Variants in FCHSD2 observed in about 807,000 individuals in gnomAD.
The protein encoded by FCHSD2 is F-BAR and double SH3 domains protein 2.
FCHSD2 carries 38 observed loss-of-function variants against 108.1 expected under a neutral mutation model. The ratio of observed to expected loss-of-function variants is 0.35; its 90% CI spans 0.27 to 0.46. The LOEUF (loss-of-function observed/expected upper bound fraction) is 0.46. Ranked by LOEUF, FCHSD2 falls within the 20% of genes least tolerant of loss-of-function variation. The probability of loss-of-function intolerance (pLI) is 1.00; values close to 1 mark genes in which losing one functional copy is unlikely to be tolerated. For missense variants in FCHSD2, 751 were observed against 897.8 expected, an observed-to-expected ratio of 0.84 and a Z score of 2.09; for synonymous variants, 279 against 314.7, an observed-to-expected ratio of 0.89 and a Z score of 1.20.
intron 3 of FCHSD2, among the ~76,000 whole-genome samples, chr11:73,078,266 C>T (rs1859602399): frequency 6.6e-6 from 1 of 152,146 alleles, no homozygotes; most frequent in South Asian, 2.1e-4. Flanking sequence ...GGTACAGTCA[C>T]TTTGGAAAAC....
intron 8 of FCHSD2, among the ~76,000 whole-genome samples, chr11:72,961,739 A>T (rs1856822482): frequency 6.6e-6 from 1 of 152,238 alleles, no homozygotes; most frequent in South Asian, 2.1e-4. Context: ...TTTTGTTTAT[A>T]GTTAATCACA....
intron 8 of FCHSD2, chr11:72,940,832 C>A (rs996728660): frequency 1.1e-6 from 1 of 901,076 alleles, no homozygotes; most frequent in Non-Finnish European, 1.8e-6. Context: ...CACTGTGGGG[C>A]TCTTAGAGTC....
At chr11:72,923,526 T>C (rs920711922) in intron 8 of FCHSD2, among the ~76,000 whole-genome samples, 2 of 152,198 alleles carry the variant, frequency 1.3e-5, no homozygotes, top group African/African-American at 2.4e-5. Context: ...GAACGGTATA[T>C]CTTTGTAGTT....
intron 8 of FCHSD2, among the ~76,000 whole-genome samples, chr11:72,952,210 A>G (rs1202381535): frequency 1.3e-5 from 2 of 152,120 alleles, no homozygotes; most frequent in East Asian, 1.9e-4. Flanking sequence ...TCTTAATACC[A>G]GAAAGATATA....
At chr11:73,080,097 G>C (rs1362426203) in intron 3 of FCHSD2, among the ~76,000 whole-genome samples, 3 of 151,678 alleles carry the variant, frequency 2.0e-5, no homozygotes, top group African/African-American at 4.8e-5. Flanking sequence ...CCAGGAGTTC[G>C]AGACCAGCCT....
chr11:72,897,508 T>C (rs1855447516), intron 10 of FCHSD2, among the ~76,000 whole-genome samples: 3 of 152,166 alleles, frequency 2.0e-5, no homozygotes, highest in African/African-American at 4.8e-5. Context: ...AAATATTACA[T>C]CATTTTATAT....
At chr11:72,927,489 G>C (rs962650824) in intron 8 of FCHSD2, among the ~76,000 whole-genome samples, 2 of 152,178 alleles carry the variant, frequency 1.3e-5, no homozygotes, top group Non-Finnish European at 2.9e-5. Flanking sequence ...TAGGGGAAGG[G>C]AGTGTAAGGG....
In FCHSD2 at chr11:72,955,764, T is replaced by C. The variant is rs1040275995; in HGVS notation, c.705+28324A>G. Among the ~76,000 whole-genome samples the C allele has an allele frequency of 2.6e-5, 4 of 152,058 alleles. No homozygotes were observed. In the South Asian group the frequency reaches 8.3e-4, roughly 32 times the overall value. ...ACAGGAACTGGGGTCAGAGACCAAA[T>C]ATAGGAACAAAAGATTCTCTTAGTG... On this transcript the variant is annotated intron_variant, in intron 8 of 19. Transcript: ENST00000409418.
intron 2 of FCHSD2, among the ~76,000 whole-genome samples, chr11:73,114,417 G>A (rs991152896): frequency 1.3e-5 from 2 of 151,842 alleles, no homozygotes; most frequent in Non-Finnish European, 2.9e-5. Flanking sequence ...CCTGCTTGGT[G>A]CTCTACCCAA....
chr11:72,947,734 A>T (rs1358253276), intron 8 of FCHSD2, among the ~76,000 whole-genome samples: 1 of 19,824 alleles, frequency 5.0e-5, no homozygotes, highest in Admixed American at 5.4e-4. Flanking sequence ...AGTTAAAAAA[A>T]ATATTGAAAA....
At chr11:72,983,306 A>T (rs966840718) in intron 8 of FCHSD2, among the ~76,000 whole-genome samples, 3 of 151,484 alleles carry the variant, frequency 2.0e-5, no homozygotes, top group Admixed American at 6.6e-5. Context: ...AAAAAAAAAA[A>T]AATAAATAAA....
chr11:72,896,390 C>T (rs1265573275), intron 10 of FCHSD2, among the ~76,000 whole-genome samples: 1 of 152,210 alleles, frequency 6.6e-6, no homozygotes, highest in Non-Finnish European at 1.5e-5. Flanking sequence ...TATTTCCCAT[C>T]CCAGCTTCGC....
intron 7 of FCHSD2, among the ~76,000 whole-genome samples, chr11:72,984,575 T>C (rs1857276932): frequency 6.6e-6 from 1 of 152,188 alleles, no homozygotes; most frequent in South Asian, 2.1e-4. Flanking sequence ...AACAGTTTTT[T>C]AAAAATCAGC....
intron 2 of FCHSD2, among the ~76,000 whole-genome samples, chr11:73,098,538 C>A (rs112656518): frequency 1.3e-4 from 19 of 151,934 alleles, no homozygotes; most frequent in Middle Eastern, 3.4e-3. Flanking sequence ...GTGGAGTGTT[C>A]TATATACACC....
intron 5 of FCHSD2, among the ~76,000 whole-genome samples, chr11:72,991,582 C>T (rs1857416267): frequency 6.6e-6 from 1 of 152,044 alleles, no homozygotes; most frequent in Non-Finnish European, 1.5e-5. Context: ...GGGCTTCATC[C>T]CTGGGATGCA....
chr11:73,023,254 C>G (rs1334667269), intron 3 of FCHSD2, among the ~76,000 whole-genome samples: 1 of 152,008 alleles, frequency 6.6e-6, no homozygotes, highest in African/African-American at 2.4e-5. Flanking sequence ...AATAAAAAGA[C>G]AAGCTGCAGA....
chr11:73,035,845 C>T (rs535775957), intron 3 of FCHSD2, among the ~76,000 whole-genome samples: 4 of 151,748 alleles, frequency 2.6e-5, no homozygotes, highest in Non-Finnish European at 5.9e-5. Flanking sequence ...CTCAGCCTCC[C>T]GAGTAGCTGA....
chr11:72,998,279 C>A (rs1857558192), intron 5 of FCHSD2, among the ~76,000 whole-genome samples: 1 of 152,134 alleles, frequency 6.6e-6, no homozygotes, highest in South Asian at 2.1e-4. Context: ...GTGGCTCATG[C>A]CTGTAATCCC....
chr11:73,109,302 A>G (rs541529150), intron 2 of FCHSD2, among the ~76,000 whole-genome samples: 1 of 152,324 alleles, frequency 6.6e-6, no homozygotes, highest in South Asian at 2.1e-4. Context: ...GAATCTGTAG[A>G]TTGCTATAGA....
Sources: allele counts gnomAD v4.1 joint callset (sites outside exome capture counted in the v4.1 genomes callset), GRCh38; gene constraint gnomAD v4.1.1; transcripts MANE v1.5; gene names NCBI Gene and HGNC (gene_info 2026-07-23, HGNC 2026-07-21).